Variants in DZIP3 observed in about 807,000 individuals in gnomAD.
DZIP3 encodes the protein DAZ interacting zinc finger protein 3.
A neutral mutation model predicts 162.0 loss-of-function variants in DZIP3; 118 were observed. The observed-to-expected ratio is 0.73, with a 90% CI of 0.63 to 0.85. The LOEUF is 0.85. DZIP3 is among the 40% of genes least tolerant of loss of function. DZIP3 has a pLI of 0.00. For synonymous variants in DZIP3, 438 were observed against 458.6 expected (o/e 0.96, Z 0.57); for missense variants, 1,331 against 1,407.0 (o/e 0.95, Z 0.86).
At chr3:108,589,527 G>C, upstream of DZIP3, 1 of 551,456 alleles carries the variant, frequency 1.8e-6, no homozygotes, top group Non-Finnish European at 3.2e-6. Flanking sequence ...AGGCACCCTA[G>C]GGGACCGTTC....
chr3:108,610,852 T>G (rs1940663562), intron 3 of DZIP3, among the ~76,000 whole-genome samples: 2 of 152,252 alleles, frequency 1.3e-5, no homozygotes, highest in Non-Finnish European at 2.9e-5. Context: ...ACTTTACTAC[T>G]TTGTTTACAA....
chr3:108,689,267 A>G (rs1944605714), intron 31 of DZIP3, among the ~76,000 whole-genome samples: 1 of 152,236 alleles, frequency 6.6e-6, no homozygotes, highest in Non-Finnish European at 1.5e-5. Flanking sequence ...TTGACATGCT[A>G]TAAATACCAC....
intron 18 of DZIP3, among the ~76,000 whole-genome samples, chr3:108,653,180 A>G (rs1382929587): frequency 6.6e-6 from 1 of 151,836 alleles, no homozygotes; most frequent in Non-Finnish European, 1.5e-5. Context: ...ACTTTTCAGA[A>G]TGTTTGGGTC....
intron 14 of DZIP3, among the ~76,000 whole-genome samples, chr3:108,645,245 A>C (rs971057415): frequency 2.0e-5 from 3 of 152,178 alleles, no homozygotes; most frequent in Non-Finnish European, 4.4e-5. Context: ...TTTTGAGTAC[A>C]GTTTTATCAC....
chr3:108,631,102 A>C, intron 8 of DZIP3, among the ~76,000 whole-genome samples: 3 of 61,198 alleles, frequency 4.9e-5, no homozygotes, highest in African/African-American at 2.2e-4. Flanking sequence ...CTCCTATCCT[A>C]CTGGTAGTTA....
At chr3:108,610,257 C>T (rs187630277) in intron 3 of DZIP3, among the ~76,000 whole-genome samples, 3 of 152,246 alleles carry the variant, frequency 2.0e-5, no homozygotes, top group Admixed American at 2.0e-4. Flanking sequence ...ACAATGATAA[C>T]CTCCTACAAG....
Position 108,631,055 on chromosome 3 carries a change from A to ACACACACACACATACACTCTCTCTCTCT in DZIP3, c.696+1880_696+1881insACACACACACATACACTCTCTCTCTCTC. 1.1e-3 allele frequency among the ~76,000 whole-genome samples: 19 copies of ACACACACACACATACACTCTCTCTCTCT among 18,016 alleles called. 1 individual carries two copies. Among genetic ancestry groups the ACACACACACACATACACTCTCTCTCTCT allele is most frequent in the African/African-American group, 3.1e-3 (11 of 3,556 alleles). 11.8% of individuals were successfully genotyped at this position (18,016 alleles called of 152,430 possible). On this transcript the variant is annotated intron_variant, in intron 8 of 32. Transcript: ENST00000361582. ...CACACACACACACACACACACACAC[A>ACACACACACACATACACTCTCTCTCTCT]CTCTCTCTCTCTCTCTCTCTCTCTC...
Position 108,658,006 on chromosome 3 carries a change from T to C in DZIP3, c.2199+3696T>C, listed in dbSNP as rs545252382. On this transcript the variant is annotated intron_variant, in intron 19 of 32. Coordinates refer to ENST00000361582, the MANE Select transcript of DZIP3 (RefSeq NM_014648.4). Reference sequence around the variant, plus strand: ...TTCATAAAGCAAGTCATTAAAGACCTACAAAGAGACTTAGACTCCCACACA... The same window carrying C: ...TTCATAAAGCAAGTCATTAAAGACCCACAAAGAGACTTAGACTCCCACACA... Among the ~76,000 whole-genome samples, 1,063 of 152,122 alleles carry C rather than the reference T, an allele frequency of 7.0e-3. 10 individuals are homozygous for C. Among genetic ancestry groups the C allele is most frequent in the African/African-American group, 0.024 (982 of 41,518 alleles).
At position 108,661,871 on chromosome 3, in the gene DZIP3, C is replaced by A; in HGVS notation, c.2200-6C>A. On this transcript the variant is annotated splice_polypyrimidine_tract_variant and splice_region_variant and intron_variant, in intron 19 of 32. Transcript: ENST00000361582. ...ATAATACATGCATATTTCCTGTGCTCAATAGGGCTCAGCTGGCAAAGTAAC... is the reference window on the plus strand; with the variant it reads ...ATAATACATGCATATTTCCTGTGCTAAATAGGGCTCAGCTGGCAAAGTAAC... The A allele has an allele frequency of 6.2e-7, 1 of 1,611,160 alleles. No homozygotes were observed.
chr3:108,680,324 A>G (rs1944259661), intron 26 of DZIP3, among the ~76,000 whole-genome samples: 1 of 152,072 alleles, frequency 6.6e-6, no homozygotes, highest in South Asian at 2.1e-4. Context: ...GGAATAAAAG[A>G]CATCCAAATT....
chr3:108,644,774 T>TCAA lies in DZIP3; in HGVS notation c.1756_1758dup (p.Gln586dup). The stretch of plus-strand genomic sequence containing the variant: ...TCATACAGAGGATGTTATCCTGCTA[T>TCAA]CAACAAGGTACTAAATGATTATTTA... On this transcript the variant is annotated inframe_insertion, in exon 14 of 33. Transcript: ENST00000361582. The TCAA allele has an allele frequency of 6.3e-7, 1 of 1,598,182 alleles. No homozygotes were observed. Among genetic ancestry groups the TCAA allele is most frequent in the Non-Finnish European group, 8.5e-7 (1 of 1,174,870 alleles).
chr3:108,662,064 G>T (rs1943463205), intron 20 of DZIP3, 66 bp from the exon 21 acceptor site: 1 of 1,563,392 alleles, frequency 6.4e-7, no homozygotes, highest in South Asian at 1.2e-5. Context: ...AACTTAGTTT[G>T]CTTTTTTCTT....
chr3:108,688,518 G>A (rs1332935414), intron 29 of DZIP3, 75 bp from the exon 30 acceptor site: 14 of 1,492,664 alleles, frequency 9.4e-6, no homozygotes, highest in Admixed American at 5.8e-5. Flanking sequence ...ACTATACCCC[G>A]TTCTGTACTA....
chr3:108,611,098 C>A, intron 3 of DZIP3, 76 bp from the exon 4 acceptor site: 1 of 1,381,098 alleles, frequency 7.2e-7, no homozygotes, highest in South Asian at 1.5e-5. Flanking sequence ...TTTTTTAATG[C>A]TTTGGCTGAT....
intron 32 of DZIP3, among the ~76,000 whole-genome samples, chr3:108,692,435 C>T (rs908623500): frequency 6.6e-6 from 1 of 152,138 alleles, no homozygotes; most frequent in Non-Finnish European, 1.5e-5. Flanking sequence ...CAGAAAGGGA[C>T]AGTTCATATG....
intron 25 of DZIP3, among the ~76,000 whole-genome samples, chr3:108,677,165 T>C (rs1944140209): frequency 6.6e-6 from 1 of 152,082 alleles, no homozygotes; most frequent in African/African-American, 2.4e-5. Context: ...GCTTCTTGAA[T>C]CTTTAGTCTC....
chr3:108,653,507 G>GTGTGTATATATATA (rs1273159630), intron 18 of DZIP3, among the ~76,000 whole-genome samples: 19 of 104,612 alleles, frequency 1.8e-4, no homozygotes, highest in Non-Finnish European at 3.0e-4. Context: ...GTGTGTGTGT[G>GTGTGTATATATATA]TATATATATA....
intron 3 of DZIP3, among the ~76,000 whole-genome samples, chr3:108,609,523 T>A (rs1264236479): frequency 6.6e-6 from 1 of 152,148 alleles, no homozygotes. Context: ...GCATCAAATA[T>A]TTTTTGACAA....
chr3:108,692,534 C>G (rs1476414319), intron 32 of DZIP3, among the ~76,000 whole-genome samples: 1 of 152,190 alleles, frequency 6.6e-6, no homozygotes, highest in Non-Finnish European at 1.5e-5. Flanking sequence ...AGTCAGGGCA[C>G]ATGCGTCACT....
Sources: allele counts gnomAD v4.1 joint callset (sites outside exome capture counted in the v4.1 genomes callset), GRCh38; gene constraint gnomAD v4.1.1; transcripts MANE v1.5; gene names NCBI Gene and HGNC (gene_info 2026-07-23, HGNC 2026-07-21).